TTC7B: variants seen among roughly 807,000 people sequenced by gnomAD.
TTC7B encodes the protein tetratricopeptide repeat protein 7B.
Under a neutral mutation model 106.8 loss-of-function variants are expected in TTC7B, and 28 were observed. The ratio of observed to expected loss-of-function variants is 0.26; its 90% confidence interval spans 0.19 to 0.36. The LOEUF (loss-of-function observed/expected upper bound fraction) is 0.36, where lower values mean the gene tolerates loss of function less well. TTC7B is among the 10% of genes least tolerant of loss of function. The pLI is 1.00. For synonymous variants in TTC7B, 405 were observed against 430.6 expected, an observed-to-expected ratio of 0.94 and a Z score of 0.74; for missense variants, 862 against 1,076.4, an observed-to-expected ratio of 0.80 and a Z score of 2.79.
At chr14:90,643,600 C>T (rs981209582) in intron 15 of TTC7B, among the ~76,000 whole-genome samples, 21 of 151,862 alleles carry the variant, frequency 1.4e-4, no homozygotes, top group Admixed American at 1.2e-3. Context: ...TTTTTTGAGA[C>T]GGAATCTCGC....
chr14:90,787,664 T>C lies in TTC7B; in HGVS notation c.122-1336A>G, dbSNP rs188399587. Among the ~76,000 whole-genome samples the C allele has an allele frequency of 3.0e-3, 461 of 152,324 alleles. 2 individuals carry two copies. The highest frequency in any genetic ancestry group is 0.01 in the African/African-American group (436 of 41,568). On this transcript the variant is annotated intron_variant, in intron 1 of 19. Coordinates refer to ENST00000328459, the MANE Select transcript of TTC7B (RefSeq NM_001010854.2). ...GGTAAGTCCACCAAAGGCCAAGAGC[T>C]AAAACAAAAGCCTTTTCCACATGTT...
chr14:90,696,195 G>A (rs1887739504), intron 5 of TTC7B, among the ~76,000 whole-genome samples: 1 of 152,180 alleles, frequency 6.6e-6, no homozygotes, highest in South Asian at 2.1e-4. Context: ...CCCTGAGTGT[G>A]AGCAGAGCAC....
At chr14:90,669,696 T>C (rs989821583) in intron 9 of TTC7B, among the ~76,000 whole-genome samples, 37 of 152,284 alleles carry the variant, frequency 2.4e-4, no homozygotes, top group African/African-American at 8.7e-4. Context: ...TCATTAGTTA[T>C]CAGGGAAAAG....
intron 19 of TTC7B, among the ~76,000 whole-genome samples, chr14:90,546,867 T>A (rs1479950467): frequency 6.6e-6 from 1 of 152,206 alleles, no homozygotes; most frequent in Non-Finnish European, 1.5e-5. Flanking sequence ...TAAGGTCTCA[T>A]TCCATCCTCT....
intron 3 of TTC7B, among the ~76,000 whole-genome samples, chr14:90,745,192 A>T (rs182988282): frequency 3.8e-4 from 57 of 151,320 alleles, no homozygotes; most frequent in African/African-American, 1.1e-3. Context: ...GCTACTTGGG[A>T]GGCTGAGGTA....
chr14:90,720,388 C>T (rs929216594), intron 5 of TTC7B, among the ~76,000 whole-genome samples: 1 of 152,182 alleles, frequency 6.6e-6, no homozygotes, highest in South Asian at 2.1e-4. Context: ...TCTCTGACAG[C>T]AAAAGCCTGT....
chr14:90,567,997 C>T (rs180841081), intron 19 of TTC7B, among the ~76,000 whole-genome samples: 1 of 152,206 alleles, frequency 6.6e-6, no homozygotes, highest in African/African-American at 2.4e-5. Flanking sequence ...CCAAAGAGAG[C>T]CCCCGAGCCC....
intron 9 of TTC7B, chr14:90,675,724 G>A (rs779180453): frequency 1.1e-4 from 16 of 152,098 alleles, no homozygotes; most frequent in East Asian, 3.9e-4. Flanking sequence ...CCCTGTCCTC[G>A]TGCCCAGAGG....
At chr14:90,582,991 G>A (rs1011286624) in intron 18 of TTC7B, among the ~76,000 whole-genome samples, 24 of 152,296 alleles carry the variant, frequency 1.6e-4, no homozygotes, top group African/African-American at 5.5e-4. Context: ...ATGTGGCTGG[G>A]CCTCTAGGAC....
intron 4 of TTC7B, among the ~76,000 whole-genome samples, chr14:90,744,430 C>T (rs112131133): frequency 0.041 from 6,307 of 152,162 alleles, 171 homozygotes; most frequent in Non-Finnish European, 0.057. Context: ...TCTGCCTCAA[C>T]CTCCCAAGTA....
chr14:90,746,343 G>C (rs1479873925), intron 3 of TTC7B, among the ~76,000 whole-genome samples: 1 of 152,072 alleles, frequency 6.6e-6, no homozygotes, highest in Non-Finnish European at 1.5e-5. Context: ...CATTTCTTTT[G>C]AGTTGTCAAA....
chr14:90,735,426 A>T (rs1238122764), intron 4 of TTC7B, among the ~76,000 whole-genome samples: 1 of 152,020 alleles, frequency 6.6e-6, no homozygotes, highest in Non-Finnish European at 1.5e-5. Flanking sequence ...AGGATTGCTT[A>T]AGTCCAAGAG....
chr14:90,726,019 T>C (rs1018065031), intron 5 of TTC7B, among the ~76,000 whole-genome samples: 4 of 151,390 alleles, frequency 2.6e-5, no homozygotes, highest in African/African-American at 9.7e-5. Context: ...GGCAGGAGGA[T>C]CACTTGAGCC....
chr14:90,579,732 G>A (rs984823708), intron 18 of TTC7B, among the ~76,000 whole-genome samples: 1 of 152,230 alleles, frequency 6.6e-6, no homozygotes, highest in Non-Finnish European at 1.5e-5. Context: ...CTGGGAGGTG[G>A]AGGTTGCAGT....
chr14:90,678,805 C>A (rs1166590079), intron 8 of TTC7B, among the ~76,000 whole-genome samples: 2 of 152,160 alleles, frequency 1.3e-5, no homozygotes, highest in Non-Finnish European at 2.9e-5. Context: ...GAGAGGTGGC[C>A]ATGTTTTCCA....
At chr14:90,542,367 C>T (rs945023379) in intron 19 of TTC7B, among the ~76,000 whole-genome samples, 37 of 152,142 alleles carry the variant, frequency 2.4e-4, no homozygotes, top group Non-Finnish European at 3.1e-4. Context: ...CTCTGCTTGC[C>T]CCAGGCTGTG....
At chr14:90,764,391 C>T (rs1403796889) in intron 3 of TTC7B, among the ~76,000 whole-genome samples, 1 of 151,942 alleles carries the variant, frequency 6.6e-6, no homozygotes, top group African/African-American at 2.4e-5. Flanking sequence ...TCTTCATAAA[C>T]TTGACTAGGC....
intron 7 of TTC7B, 107 bp from the exon 8 acceptor site, chr14:90,680,642 A>G: frequency 1.4e-6 from 1 of 728,042 alleles, no homozygotes; most frequent in African/African-American, 1.8e-5. Flanking sequence ...ATACCCATGA[A>G]AAATACTGTA....
intron 3 of TTC7B, among the ~76,000 whole-genome samples, chr14:90,754,433 C>T (rs1330338180): frequency 6.6e-6 from 1 of 152,158 alleles, no homozygotes; most frequent in Non-Finnish European, 1.5e-5. Flanking sequence ...CAGTGCCTGG[C>T]ATATAGCAGA....
Sources: allele counts gnomAD v4.1 joint callset (sites outside exome capture counted in the v4.1 genomes callset), GRCh38; gene constraint gnomAD v4.1.1; transcripts MANE v1.5; gene names NCBI Gene and HGNC (gene_info 2026-07-23, HGNC 2026-07-21).